The following CNTN5 variants were observed in gnomAD, a reference collection of about 807,000 sequenced individuals.
CNTN5 encodes contactin 5.
CNTN5 carries 77 observed loss-of-function variants against 129.1 expected under a neutral mutation model. The ratio of observed to expected loss-of-function variants is 0.60; its 90% CI spans 0.50 to 0.72. CNTN5 has a LOEUF of 0.72. Ranked by LOEUF, CNTN5 falls within the 30% of genes least tolerant of loss-of-function variation. The pLI is 0.00. For missense variants in CNTN5, 1,478 were observed against 1,328.8 expected (o/e 1.11, Z -1.75); for synonymous variants, 509 against 465.6 (o/e 1.09, Z -1.20).
intron 15 of CNTN5, among the ~76,000 whole-genome samples, chr11:100,207,211 A>T (rs1374214074): frequency 1.3e-5 from 2 of 152,136 alleles, no homozygotes; most frequent in African/African-American, 4.8e-5. Flanking sequence ...GAGAGAAATA[A>T]ACTCGAGGAG....
intron 3 of CNTN5, among the ~76,000 whole-genome samples, chr11:99,773,897 C>T (rs1175552798): frequency 6.6e-6 from 1 of 152,038 alleles, no homozygotes; most frequent in Middle Eastern, 3.2e-3. Flanking sequence ...CAAAAAATAA[C>T]AAACTACTAG....
chr11:100,003,657 T>G (rs1250508766), intron 9 of CNTN5: 1 of 152,212 alleles, frequency 6.6e-6, no homozygotes, highest in African/African-American at 2.4e-5. Context: ...TTGGAAGCCT[T>G]GAAATATGTT....
At chr11:99,076,044 T>C (rs1329690738) in intron 1 of CNTN5, among the ~76,000 whole-genome samples, 1 of 152,132 alleles carries the variant, frequency 6.6e-6, no homozygotes, top group Non-Finnish European at 1.5e-5. Flanking sequence ...CGAACTACTT[T>C]ACTTTTGGGC....
chr11:99,070,117 C>G (rs1473999911), intron 1 of CNTN5, among the ~76,000 whole-genome samples: 1 of 152,162 alleles, frequency 6.6e-6, no homozygotes, highest in East Asian at 1.9e-4. Flanking sequence ...CCGTCAAGAA[C>G]TGTCCTGGCC....
intron 1 of CNTN5, among the ~76,000 whole-genome samples, chr11:99,321,502 T>C (rs1295461121): frequency 6.6e-6 from 1 of 152,086 alleles, no homozygotes; most frequent in Non-Finnish European, 1.5e-5. Flanking sequence ...GTGTATCCTG[T>C]GATCATATGT....
At chr11:99,480,712 T>C (rs1015646948) in intron 2 of CNTN5, among the ~76,000 whole-genome samples, 1 of 152,166 alleles carries the variant, frequency 6.6e-6, no homozygotes, top group Non-Finnish European at 1.5e-5. Context: ...ATAGTCATTT[T>C]TTTTGTTTTG....
chr11:99,080,229 T>C (rs1865735355), intron 1 of CNTN5, among the ~76,000 whole-genome samples: 1 of 152,168 alleles, frequency 6.6e-6, no homozygotes, highest in Admixed American at 6.5e-5. Context: ...TTATTGAATA[T>C]ATTAATTTGA....
At chr11:99,930,498 G>A (rs893888866) in intron 7 of CNTN5, among the ~76,000 whole-genome samples, 12 of 152,030 alleles carry the variant, frequency 7.9e-5, no homozygotes, top group South Asian at 4.2e-4. Context: ...TGAGGAGACC[G>A]CCTGACAATT....
At chr11:99,949,300 T>C (rs1279607530) in intron 7 of CNTN5, among the ~76,000 whole-genome samples, 4 of 152,212 alleles carry the variant, frequency 2.6e-5, no homozygotes, top group Admixed American at 6.5e-5. Context: ...ACCTTTGTCA[T>C]GTCCAAAGTT....
Position 100,045,569 on chromosome 11 carries a change from T to G in CNTN5, c.981-15643T>G, listed in dbSNP as rs1364960419. On this transcript the variant is annotated intron_variant, in intron 9 of 24. Coordinates refer to ENST00000524871, the MANE Select transcript of CNTN5 (RefSeq NM_014361.4). ...AGTTTTCTTTTCAGTGGGACTTGTC[T>G]AATGCTTTAACTATTTTTGCATAAA... 2.6e-5 allele frequency among the ~76,000 whole-genome samples: 4 copies of G among 152,148 alleles called. No individual in the cohort carries two copies. In the South Asian group the frequency reaches 8.3e-4, roughly 32 times the overall value.
chr11:100,074,807 C>A (rs1275892727), intron 13 of CNTN5, among the ~76,000 whole-genome samples: 1 of 152,022 alleles, frequency 6.6e-6, no homozygotes, highest in Non-Finnish European at 1.5e-5. Flanking sequence ...GAGAAGTGAG[C>A]AGAGGAATAT....
intron 2 of CNTN5, among the ~76,000 whole-genome samples, chr11:99,387,806 C>CT (rs149005769): frequency 0.01 from 1,558 of 152,252 alleles, 12 homozygotes; most frequent in Non-Finnish European, 0.016. Context: ...CAATCCTTGG[C>CT]TTTTACCATG....
At chr11:99,441,294 A>G (rs1302644014) in intron 2 of CNTN5, among the ~76,000 whole-genome samples, 1 of 152,184 alleles carries the variant, frequency 6.6e-6, no homozygotes, top group Admixed American at 6.5e-5. Flanking sequence ...CTTTTAAACA[A>G]TTACATATGG....
intron 1 of CNTN5, among the ~76,000 whole-genome samples, chr11:99,276,731 C>G (rs1300886888): frequency 1.3e-5 from 2 of 151,094 alleles, no homozygotes; most frequent in Admixed American, 6.6e-5. Flanking sequence ...TTTTTTTATA[C>G]AAACTATATA....
At chr11:99,246,404 T>C (rs1215444572) in intron 1 of CNTN5, among the ~76,000 whole-genome samples, 1 of 152,200 alleles carries the variant, frequency 6.6e-6, no homozygotes, top group African/African-American at 2.4e-5. Flanking sequence ...GTGATCAAGT[T>C]GGCCTCAGTA....
chr11:99,326,907 GA>G (rs1198002070), intron 2 of CNTN5, among the ~76,000 whole-genome samples: 1 of 152,066 alleles, frequency 6.6e-6, no homozygotes, highest in Non-Finnish European at 1.5e-5. Context: ...GTTACAATAA[GA>G]ATGATTTAAG....
chr11:99,336,019 C>A (rs59783122), intron 2 of CNTN5, among the ~76,000 whole-genome samples: 6,939 of 152,090 alleles, frequency 0.046, 335 homozygotes, highest in East Asian at 0.18. Context: ...CCTTCTTCAG[C>A]CTAACCTTAT....
intron 1 of CNTN5, among the ~76,000 whole-genome samples, chr11:99,303,070 A>G (rs771391448): frequency 7.9e-5 from 12 of 151,822 alleles, no homozygotes; most frequent in Non-Finnish European, 1.2e-4. Flanking sequence ...ATAAATAACT[A>G]GTCATTATTC....
intron 13 of CNTN5, among the ~76,000 whole-genome samples, chr11:100,140,737 G>T (rs998362099): frequency 6.6e-6 from 1 of 152,136 alleles, no homozygotes; most frequent in Admixed American, 6.6e-5. Flanking sequence ...AAGACAGATA[G>T]AGTGTTAGAA....
Sources: allele counts gnomAD v4.1 joint callset (sites outside exome capture counted in the v4.1 genomes callset), GRCh38; gene constraint gnomAD v4.1.1; transcripts MANE v1.5; gene names NCBI Gene and HGNC (gene_info 2026-07-23, HGNC 2026-07-21).